Variants in TENM4 observed in about 807,000 individuals in gnomAD.
TENM4 encodes teneurin-4.
TENM4 carries 82 observed loss-of-function variants against 243.3 expected under a neutral mutation model. That is an observed-to-expected ratio of 0.34 (90% CI 0.28 to 0.40). The LOEUF is 0.40. Among genes scored for constraint, TENM4 ranks in the 10% least tolerant of loss-of-function variants. The pLI is 1.00. For missense variants in TENM4, 3,138 were observed against 3,673.3 expected, an observed-to-expected ratio of 0.85 and a Z score of 3.77; for synonymous variants, 1,412 against 1,456.3, an observed-to-expected ratio of 0.97 and a Z score of 0.69.
chr11:78,803,327 C>G (rs575181), intron 15 of TENM4, among the ~76,000 whole-genome samples: 107,640 of 152,078 alleles, frequency 0.71, 39,153 homozygotes, highest in Non-Finnish European at 0.8. Context: ...CTGTGCCCAG[C>G]CTTTCATTTT....
chr11:79,335,001 T>C (rs1202335564), intron 1 of TENM4, among the ~76,000 whole-genome samples: 1 of 152,228 alleles, frequency 6.6e-6, no homozygotes, highest in African/African-American at 2.4e-5. Flanking sequence ...TTATATTCAT[T>C]CAAAGCCTAG....
At chr11:79,127,211 C>G (rs547523931) in intron 4 of TENM4, among the ~76,000 whole-genome samples, 1 of 152,348 alleles carries the variant, frequency 6.6e-6, no homozygotes, top group East Asian at 1.9e-4. Context: ...TTAGAGCTGT[C>G]TCTACCTAGA....
At chr11:79,133,147 A>G (rs1862044904) in intron 4 of TENM4, among the ~76,000 whole-genome samples, 1 of 152,214 alleles carries the variant, frequency 6.6e-6, no homozygotes, top group Non-Finnish European at 1.5e-5. Flanking sequence ...AAATAACCTC[A>G]CTAAGAAACA....
intron 6 of TENM4, among the ~76,000 whole-genome samples, chr11:78,981,971 G>C (rs1857806853): frequency 1.3e-5 from 2 of 152,096 alleles, no homozygotes; most frequent in Admixed American, 1.3e-4. Context: ...CCCCGTGTCT[G>C]TCCCCAGGTC....
intron 1 of TENM4, among the ~76,000 whole-genome samples, chr11:79,394,551 A>G (rs1274762510): frequency 1.3e-5 from 2 of 152,222 alleles, no homozygotes; most frequent in Admixed American, 6.5e-5. Flanking sequence ...ATAAAACACC[A>G]TATAGAGGTA....
chr11:79,035,541 GA>G (rs11390542), intron 6 of TENM4, among the ~76,000 whole-genome samples: 1,783 of 143,534 alleles, frequency 0.012, 37 homozygotes, highest in East Asian at 0.069. Context: ...ATTCAGACAA[GA>G]AAAAAAAAAA....
chr11:78,851,997 C>T (rs1020729345), intron 12 of TENM4, among the ~76,000 whole-genome samples: 8 of 152,220 alleles, frequency 5.3e-5, no homozygotes, highest in Admixed American at 1.3e-4. Context: ...AAACCAACAG[C>T]ACCACAACTG....
intron 15 of TENM4, among the ~76,000 whole-genome samples, chr11:78,799,597 A>T (rs1305266403): frequency 6.6e-6 from 1 of 152,262 alleles, no homozygotes; most frequent in Non-Finnish European, 1.5e-5. Flanking sequence ...GGCAGGTGTC[A>T]TTAGCCATAG....
At chr11:79,110,413 C>T (rs887629422) in intron 4 of TENM4, among the ~76,000 whole-genome samples, 1 of 152,210 alleles carries the variant, frequency 6.6e-6, no homozygotes, top group East Asian at 1.9e-4. Context: ...TGGGGACTCA[C>T]AGCGCCCTGG....
At chr11:79,344,306 T>C (rs1027141620) in intron 1 of TENM4, among the ~76,000 whole-genome samples, 4 of 152,112 alleles carry the variant, frequency 2.6e-5, no homozygotes, top group Non-Finnish European at 5.9e-5. Flanking sequence ...AACCAGAGGC[T>C]GAGGGAAGAT....
At chr11:78,805,623 G>C in intron 14 of TENM4, 131 bp from the exon 15 acceptor site, 1 of 1,125,962 alleles carries the variant, frequency 8.9e-7, no homozygotes, top group Non-Finnish European at 1.3e-6. Flanking sequence ...AGGTCACTTA[G>C]TAAGGTGAGA....
chr11:79,240,289 GACA>G (rs1864565301), intron 2 of TENM4, among the ~76,000 whole-genome samples: 1 of 152,096 alleles, frequency 6.6e-6, no homozygotes, highest in Non-Finnish European at 1.5e-5. Flanking sequence ...GCACTTCCAT[GACA>G]TGGACTCTAC....
At chr11:78,860,094 CAT>C (rs1337855722) in intron 10 of TENM4, among the ~76,000 whole-genome samples, 1 of 152,172 alleles carries the variant, frequency 6.6e-6, no homozygotes, top group Non-Finnish European at 1.5e-5. Flanking sequence ...ACATTTAATT[CAT>C]ATAAATAAGA....
In TENM4 at chr11:78,974,604, T is replaced by C. The variant is rs144952419; in HGVS notation, c.494-71081A>G. ...TGTGCAGAGTAAATGCATAAAAGCATGCATGTCTGGGGCCTACCATGGGCC... is the reference window on the plus strand; with the variant it reads ...TGTGCAGAGTAAATGCATAAAAGCACGCATGTCTGGGGCCTACCATGGGCC... On this transcript the variant is annotated intron_variant, in intron 6 of 33. Coordinates refer to ENST00000278550, the MANE Select transcript of TENM4 (RefSeq NM_001098816.3). Among the ~76,000 whole-genome samples the C allele has an allele frequency of 9.0e-3, 1,368 of 152,268 alleles. 22 individuals are homozygous for C. The highest frequency in any genetic ancestry group is 0.031 in the African/African-American group (1,293 of 41,560).
chr11:79,117,444 C>A (rs538861528), intron 4 of TENM4, among the ~76,000 whole-genome samples: 3 of 152,306 alleles, frequency 2.0e-5, no homozygotes, highest in South Asian at 4.2e-4. Context: ...CATGACAGAG[C>A]CTTGCCTAAT....
chr11:79,425,768 TCTGC>T (rs974096222), intron 1 of TENM4, among the ~76,000 whole-genome samples: 6 of 152,310 alleles, frequency 3.9e-5, no homozygotes, highest in Admixed American at 1.3e-4. Context: ...CTCTTTGGTC[TCTGC>T]CTGCCTGCCT....
chr11:79,180,901 A>G (rs575141161), intron 3 of TENM4, among the ~76,000 whole-genome samples: 1 of 151,400 alleles, frequency 6.6e-6, no homozygotes, highest in African/African-American at 2.4e-5. Context: ...ATATATATGT[A>G]TGTGTATATA....
At chr11:78,846,765 G>T (rs545496934) in intron 12 of TENM4, among the ~76,000 whole-genome samples, 1 of 152,274 alleles carries the variant, frequency 6.6e-6, no homozygotes, top group East Asian at 1.9e-4. Context: ...TCCAGACAAG[G>T]GTCTGGCACA....
At position 78,890,038 on chromosome 11, in the gene TENM4, C is replaced by A. The variant is rs1212323376; in HGVS notation, c.849-18G>T. 3 of 1,518,580 alleles carry A rather than the reference C, an allele frequency of 2.0e-6. No individual in the cohort carries two copies. The highest frequency in any genetic ancestry group is 2.8e-5 in the African/African-American group (2 of 72,524). The allele number at this position is 1,518,580 out of a possible 1,614,324, so 94.1% of individuals were successfully genotyped here. On this transcript the variant is annotated intron_variant, in intron 8 of 33. Transcript: ENST00000278550. Reference sequence around the variant, plus strand: ...GGAAGTGCCTGCAGATGGAGAGCAGCAAGAGGGTGTCAGGGGCTGCCCACA... The same window carrying A: ...GGAAGTGCCTGCAGATGGAGAGCAGAAAGAGGGTGTCAGGGGCTGCCCACA...
Sources: gnomAD v4.1 joint callset for allele counts (sites outside exome capture counted in the v4.1 genomes callset) on GRCh38, gnomAD v4.1.1 for gene constraint, MANE v1.5 for transcripts, NCBI Gene and HGNC (gene_info 2026-07-23, HGNC 2026-07-21) for gene names.